IFIH1: variants seen among roughly 807,000 people sequenced by gnomAD.
The protein encoded by IFIH1 is interferon induced with helicase C domain 1, also known as interferon-induced helicase C domain-containing protein 1.
In IFIH1, 125 loss-of-function variants were observed where a neutral mutation model predicts 107.4. The observed-to-expected ratio is 1.16, with a 90% CI of 1.01 to 1.35. The LOEUF (loss-of-function observed/expected upper bound fraction) is 1.35, where lower values mean the gene tolerates loss of function less well. Among genes scored for constraint, IFIH1 ranks in the 40% most tolerant of loss-of-function variants. IFIH1 has a pLI of 0.00. For synonymous variants in IFIH1, 458 were observed against 413.2 expected (o/e 1.11, Z -1.31); for missense variants, 1,333 against 1,213.7 (o/e 1.10, Z -1.46).
chr2:162,316,660 G>GA (rs1258029128), intron 1 of IFIH1, among the ~76,000 whole-genome samples: 1 of 151,622 alleles, frequency 6.6e-6, no homozygotes, highest in Non-Finnish European at 1.5e-5. Flanking sequence ...GAGAGAGAGA[G>GA]AAAAAAACCA....
chr2:162,294,128 T>A (rs1683045262), intron 3 of IFIH1, among the ~76,000 whole-genome samples: 1 of 152,070 alleles, frequency 6.6e-6, no homozygotes, highest in Middle Eastern at 3.4e-3. Context: ...ATGAAAATGA[T>A]AGTTTGGTGA....
intron 4 of IFIH1, among the ~76,000 whole-genome samples, chr2:162,291,694 G>A (rs1682999817): frequency 6.6e-6 from 1 of 151,798 alleles, no homozygotes; most frequent in South Asian, 2.1e-4. Flanking sequence ...CAACTTCAAA[G>A]ATTAAAACAC....
intron 1 of IFIH1, among the ~76,000 whole-genome samples, chr2:162,315,200 C>T (rs1683466313): frequency 6.6e-6 from 1 of 152,276 alleles, no homozygotes. Context: ...ATCTTATTTT[C>T]ATCATTCATC....
At chr2:162,303,591 G>A (rs1394910381) in intron 3 of IFIH1, among the ~76,000 whole-genome samples, 1 of 151,708 alleles carries the variant, frequency 6.6e-6, no homozygotes, top group African/African-American at 2.4e-5. Context: ...GTGAAAGGAA[G>A]AGAGGGAAGG....
chr2:162,296,556 C>T (rs950763973), intron 3 of IFIH1, among the ~76,000 whole-genome samples: 1 of 152,032 alleles, frequency 6.6e-6, no homozygotes, highest in Non-Finnish European at 1.5e-5. Flanking sequence ...GTGCTTTTTC[C>T]GCTAACACTA....
At chr2:162,303,668 A>T (rs183565081) in intron 3 of IFIH1, among the ~76,000 whole-genome samples, 36 of 149,614 alleles carry the variant, frequency 2.4e-4, no homozygotes, top group East Asian at 3.9e-4. Context: ...GAGGAAAAAA[A>T]AAAATAAAAA....
Position 162,310,914 on chromosome 2 carries a change from T to C in IFIH1, c.473A>G (p.Asn158Ser), listed in dbSNP as rs758677741. The change falls in exon 2 of 16, where the codon AAT (asparagine) becomes AGT (serine). Residue 158 changes from asparagine to serine, a missense_variant. Transcript: ENST00000649979. ...DRNRIAAAEN[N>S]GNESGVRELL... The stretch of plus-strand genomic sequence containing the variant: ...CTCTCTTACACCTGATTCATTTCCA[T>C]TGTTTTCTGCAGCAGCAATCTGTTG... 6 of 1,613,270 alleles carry C rather than the reference T, an allele frequency of 3.7e-6. No individual in the cohort carries two copies. Among genetic ancestry groups the C allele is most frequent in the Non-Finnish European group, 3.4e-6 (4 of 1,179,524 alleles).
chr2:162,317,112 T>A (rs559037977), intron 1 of IFIH1, among the ~76,000 whole-genome samples: 1 of 151,468 alleles, frequency 6.6e-6, no homozygotes, highest in Non-Finnish European at 1.5e-5. Context: ...AGGGCAAAGA[T>A]TGGAAAACTT....
intron 13 of IFIH1, among the ~76,000 whole-genome samples, chr2:162,271,348 A>G (rs1489623375): frequency 2.0e-5 from 3 of 151,676 alleles, no homozygotes; most frequent in South Asian, 2.1e-4. Context: ...TGAGCAAACT[A>G]TCACAAGGAC....
rs766097141 is a variant in IFIH1, at chr2:162,310,747, C to G, written c.622+18G>C. The stretch of plus-strand genomic sequence containing the variant: ...TAGGCAGAATTTGAAGAATCTTCCT[C>G]AGTAAAATTACAAATACCTGCATTG... On this transcript the variant is annotated intron_variant, in intron 2 of 15. Transcript: ENST00000649979. The G allele has an allele frequency of 1.0e-5, 16 of 1,603,798 alleles. No homozygotes were observed. Among genetic ancestry groups the G allele is most frequent in the Non-Finnish European group, 1.4e-5 (16 of 1,171,460 alleles).
chr2:162,288,497 C>T, intron 4 of IFIH1, 142 bp from the exon 5 acceptor site: 1 of 625,664 alleles, frequency 1.6e-6, no homozygotes, highest in Non-Finnish European at 2.8e-6. Context: ...CTTTTCTGTA[C>T]CAATTAATGT....
chr2:162,277,072 A>G (rs1682688034), intron 10 of IFIH1, 126 bp from the exon 11 acceptor site: 1 of 710,710 alleles, frequency 1.4e-6, no homozygotes, highest in African/African-American at 1.8e-5. Flanking sequence ...TAATTAATTT[A>G]AAAACTATTT....
chr2:162,310,802 T>G lies in IFIH1; in HGVS notation c.585A>C (p.Gln195His). 1 of 1,613,894 alleles carries G rather than the reference T, an allele frequency of 6.2e-7. No individual in the cohort carries two copies. Among genetic ancestry groups the G allele is most frequent in the Non-Finnish European group, 8.5e-7 (1 of 1,179,866 alleles). Reference sequence around the variant, plus strand: ...CTGAGCAATCAGAGCCTGTTAACTCTTGGACAAGTTCATTGTTTCCTGTTT... The same window carrying G: ...CTGAGCAATCAGAGCCTGTTAACTCGTGGACAAGTTCATTGTTTCCTGTTT... ...LRQTGNNELV[Q>H]ELTGSDCSES... The change falls in exon 2 of 16, where the codon CAA becomes CAC. Residue 195 changes from glutamine (Q) to histidine (H), a missense_variant. Gln to His is a conservative substitution (Grantham distance 24). Transcript: ENST00000649979.
rs1319745419 is a variant in IFIH1 at position 162,318,220 on chromosome 2, G to T, written c.88C>A (p.Pro30Thr). ...ARVKMYIQVE[P>T]VLDYLTFLPA... ...AGAAAGGTCAGGTAGTCCAGCACAG[G>T]CTCCACCTGGATGTACATTTTCACC... Residue 30 changes from proline (P) to threonine (T), a missense_variant, in exon 1 of 16, where the codon CCT becomes ACT. Physicochemically the swap from Pro to Thr is conservative, Grantham distance 38. Coordinates refer to ENST00000649979, the MANE Select transcript of IFIH1 (RefSeq NM_022168.4). 7 of 1,614,150 alleles carry T rather than the reference G, an allele frequency of 4.3e-6. No homozygotes were observed. The highest frequency in any genetic ancestry group is 5.9e-6 in the Non-Finnish European group (7 of 1,180,018).
At chr2:162,313,957 T>C (rs1217722158) in intron 1 of IFIH1, among the ~76,000 whole-genome samples, 2 of 152,222 alleles carry the variant, frequency 1.3e-5, no homozygotes, top group Non-Finnish European at 2.9e-5. Flanking sequence ...ATGGCATCTC[T>C]GGTTCTTCTG....
Position 162,308,263 on chromosome 2 carries a change from C to T in IFIH1, c.623-1408G>A, listed in dbSNP as rs117466757. ...TTTGCAGATGGCCACGTTCTCCCTG[C>T]GTCCTCACACGGTTAAGAGAGAGAA... On this transcript the variant is annotated intron_variant, in intron 2 of 15. Coordinates refer to ENST00000649979, the MANE Select transcript of IFIH1 (RefSeq NM_022168.4). Among the ~76,000 whole-genome samples the T allele has an allele frequency of 1.3e-4, 20 of 152,250 alleles. No homozygotes were observed. In the East Asian group the frequency reaches 3.7e-3, roughly 28 times the overall value.
At chr2:162,286,150 C>T (rs959118302) in intron 5 of IFIH1, among the ~76,000 whole-genome samples, 2 of 151,882 alleles carry the variant, frequency 1.3e-5, no homozygotes, top group African/African-American at 4.8e-5. Flanking sequence ...GGTTTAGAAA[C>T]CATGTTATAT....
At chr2:162,306,967 G>T in intron 2 of IFIH1, 112 bp from the exon 3 acceptor site, 2 of 823,134 alleles carry the variant, frequency 2.4e-6, no homozygotes, top group Non-Finnish European at 3.8e-6. Context: ...AATAGAGATT[G>T]CCTGAATATA....
At chr2:162,298,782 G>GCA in intron 3 of IFIH1, among the ~76,000 whole-genome samples, 1 of 149,216 alleles carries the variant, frequency 6.7e-6, no homozygotes, top group East Asian at 2.0e-4. Flanking sequence ...ACACACGCAC[G>GCA]CGCGCGCGCA....
Sources: allele counts gnomAD v4.1 joint callset (sites outside exome capture counted in the v4.1 genomes callset), GRCh38; gene constraint gnomAD v4.1.1; transcripts MANE v1.5; gene names NCBI Gene and HGNC (gene_info 2026-07-23, HGNC 2026-07-21).